Variants in CDC42EP4 observed in about 807,000 individuals in gnomAD.
CDC42EP4 encodes CDC42 effector protein (Rho GTPase binding) 4.
Under a neutral mutation model 5.6 loss-of-function variants are expected in CDC42EP4, and 6 were observed. The ratio of observed to expected loss-of-function variants is 1.07; its 90% CI spans 0.59 to 2.12. The LOEUF (loss-of-function observed/expected upper bound fraction) is 2.12, where lower values mean the gene tolerates loss of function less well. CDC42EP4 is among the 30% of genes most tolerant of loss of function. The probability of loss-of-function intolerance (pLI) is 0.00; values close to 1 mark genes in which losing one functional copy is unlikely to be tolerated. For synonymous variants in CDC42EP4, 230 were observed against 224.2 expected (o/e 1.03, Z -0.23); for missense variants, 490 against 508.6 (o/e 0.96, Z 0.35).
At chr17:73,310,079 C>G (rs918222125) in intron 1 of CDC42EP4, 7 of 152,256 alleles carry the variant, frequency 4.6e-5, no homozygotes, top group African/African-American at 1.7e-4. Flanking sequence ...TGTTATTGCC[C>G]CAGGAGCCCC....
At chr17:73,300,050 C>A (rs779788824) in intron 1 of CDC42EP4, among the ~76,000 whole-genome samples, 5 of 152,168 alleles carry the variant, frequency 3.3e-5, no homozygotes, top group Non-Finnish European at 5.9e-5. Context: ...TGTCCAAACT[C>A]CATCTTGTGT....
chr17:73,298,086 G>A (rs1042262171), intron 1 of CDC42EP4, among the ~76,000 whole-genome samples: 3 of 151,648 alleles, frequency 2.0e-5, no homozygotes, highest in Non-Finnish European at 2.9e-5. Context: ...CTCTGGGTTC[G>A]GCAGCCACAT....
rs1052183397 is a variant in CDC42EP4 at position 73,284,255 on chromosome 17, G to A, written c.*1175C>T. 2 of 151,888 alleles carry A rather than the reference G, an allele frequency of 1.3e-5. No homozygotes were observed. Among genetic ancestry groups the A allele is most frequent in the African/African-American group, 4.8e-5 (2 of 41,324 alleles). The allele number at this position is 151,888 out of a possible 1,614,324, so 9.4% of individuals were successfully genotyped here. A position where few individuals can be genotyped will look rare whatever the true frequency, so the allele number is the denominator to read the frequency against. ...GTCGGTGGGGGGAGGCCTGAGAAAA[G>A]AAAGGGAAGTAGTCAGTACTGAGGG... On this transcript the variant is annotated 3_prime_UTR_variant, in exon 2 of 2. Coordinates refer to ENST00000335793, the MANE Select transcript of CDC42EP4 (RefSeq NM_012121.5).
intron 1 of CDC42EP4, among the ~76,000 whole-genome samples, chr17:73,301,710 C>T (rs1224419536): frequency 1.5e-5 from 2 of 131,394 alleles, no homozygotes; most frequent in East Asian, 4.3e-4. Context: ...CCATGCCCAG[C>T]TTTTTTTTTT....
chr17:73,294,784 T>C (rs1353791245), intron 1 of CDC42EP4, among the ~76,000 whole-genome samples: 2 of 152,112 alleles, frequency 1.3e-5, no homozygotes, highest in African/African-American at 4.8e-5. Flanking sequence ...TTTGGTGTGT[T>C]CTTTCTAAAT....
At chr17:73,290,978 G>C (rs2145310836) in intron 1 of CDC42EP4, among the ~76,000 whole-genome samples, 2 of 152,336 alleles carry the variant, frequency 1.3e-5, no homozygotes, top group South Asian at 4.1e-4. Context: ...GGGGAGGACA[G>C]CTCCCCGCAT....
chr17:73,295,128 T>G (rs8071340), intron 1 of CDC42EP4, among the ~76,000 whole-genome samples: 147,402 of 152,212 alleles, frequency 0.97, 71,558 homozygotes, highest in East Asian at 1. Flanking sequence ...GATTTTCTTA[T>G]GTACTCCTTG....
chr17:73,302,363 T>C (rs1483284620), intron 1 of CDC42EP4, among the ~76,000 whole-genome samples: 1 of 152,192 alleles, frequency 6.6e-6, no homozygotes, highest in Non-Finnish European at 1.5e-5. Flanking sequence ...GAAACATCTC[T>C]CTTTCTGGCA....
intron 1 of CDC42EP4, among the ~76,000 whole-genome samples, chr17:73,291,121 C>T (rs1303381140): frequency 6.6e-6 from 1 of 152,212 alleles, no homozygotes; most frequent in Non-Finnish European, 1.5e-5. Context: ...TCTTGTTCAA[C>T]CCCACACCCC....
chr17:73,307,712 T>C (rs1410996862), intron 1 of CDC42EP4, among the ~76,000 whole-genome samples: 1 of 151,102 alleles, frequency 6.6e-6, no homozygotes, highest in African/African-American at 2.4e-5. Flanking sequence ...CCTCCCAAAG[T>C]GCTGGGATTA....
intron 1 of CDC42EP4, among the ~76,000 whole-genome samples, chr17:73,289,266 G>A (rs546859284): frequency 3.5e-4 from 53 of 152,256 alleles, no homozygotes; most frequent in African/African-American, 1.2e-3. Context: ...GGGAGGCTAC[G>A]GCAGGAGGAT....
In CDC42EP4 at chr17:73,303,043, C is replaced by CAAAAAAAAAA. The variant is rs554983651; in HGVS notation, c.-113+8840_-113+8849dup. 3.9e-4 allele frequency among the ~76,000 whole-genome samples: 46 copies of CAAAAAAAAAA among 116,814 alleles called. 1 individual carries two copies. The highest frequency in any genetic ancestry group is 7.0e-4 in the African/African-American group (19 of 27,154). 76.6% of individuals were successfully genotyped at this position (116,814 alleles called of 152,430 possible). On this transcript the variant is annotated intron_variant, in intron 1 of 1. Coordinates refer to ENST00000335793, the MANE Select transcript of CDC42EP4 (RefSeq NM_012121.5). ...TGGGGGACAGCATCAGACTCCGTCTCAAAAAAAAAAAGATAATTGGCCAGG... is the reference window on the plus strand; with the variant it reads ...TGGGGGACAGCATCAGACTCCGTCTCAAAAAAAAAAAAAAAAAAAAAGATAATTGGCCAGG...
Position 73,292,621 on chromosome 17 carries a change from G to A in CDC42EP4, c.-112-6009C>T, listed in dbSNP as rs146225452. Among the ~76,000 whole-genome samples, 315 of 152,314 alleles carry A rather than the reference G, an allele frequency of 2.1e-3. 1 individual carries two copies. The highest frequency in any genetic ancestry group is 7.3e-3 in the African/African-American group (302 of 41,572). On this transcript the variant is annotated intron_variant, in intron 1 of 1. Coordinates refer to ENST00000335793, the MANE Select transcript of CDC42EP4 (RefSeq NM_012121.5). ...TGGGTGTGGGAGTCAGGGGGTCTGG[G>A]GGAGGCCCCTCTTGAGGAAGGAGCA...
At chr17:73,303,730 A>G (rs1451668081) in intron 1 of CDC42EP4, among the ~76,000 whole-genome samples, 4 of 152,196 alleles carry the variant, frequency 2.6e-5, no homozygotes, top group Non-Finnish European at 5.9e-5. Flanking sequence ...TAGAAAGCAT[A>G]AAATTCCATA....
At position 73,284,251 on chromosome 17, in the gene CDC42EP4, A is replaced by G. The variant is rs1399459897; in HGVS notation, c.*1179T>C. 2 of 152,094 alleles carry G rather than the reference A, an allele frequency of 1.3e-5. No homozygotes were observed. Among genetic ancestry groups the G allele is most frequent in the Non-Finnish European group, 2.9e-5 (2 of 68,022 alleles). 9.4% of individuals were successfully genotyped at this position (152,094 alleles called of 1,614,324 possible). On this transcript the variant is annotated 3_prime_UTR_variant, in exon 2 of 2. Transcript: ENST00000335793. ...AAAAGTCGGTGGGGGGAGGCCTGAGAAAAGAAAGGGAAGTAGTCAGTACTG... is the reference window on the plus strand; with the variant it reads ...AAAAGTCGGTGGGGGGAGGCCTGAGGAAAGAAAGGGAAGTAGTCAGTACTG...
intron 1 of CDC42EP4, among the ~76,000 whole-genome samples, chr17:73,289,500 C>T (rs572973111): frequency 1.5e-4 from 23 of 151,940 alleles, no homozygotes; most frequent in African/African-American, 3.9e-4. Context: ...CTTGACCCCA[C>T]GCATCCTCAT....
intron 1 of CDC42EP4, among the ~76,000 whole-genome samples, chr17:73,289,530 G>C (rs1196943372): frequency 6.6e-6 from 1 of 151,290 alleles, no homozygotes; most frequent in Non-Finnish European, 1.5e-5. Flanking sequence ...CCGTTTGGCT[G>C]TTCCTGAGTC....
intron 1 of CDC42EP4, among the ~76,000 whole-genome samples, chr17:73,295,185 A>T (rs1164793544): frequency 3.9e-5 from 6 of 152,004 alleles, no homozygotes; most frequent in Non-Finnish European, 2.9e-5. Flanking sequence ...TCCCACTGAG[A>T]TTGAGAGATG....
chr17:73,303,576 C>T (rs1343354904), intron 1 of CDC42EP4, among the ~76,000 whole-genome samples: 3 of 148,124 alleles, frequency 2.0e-5, no homozygotes, highest in African/African-American at 5.2e-5. Context: ...ATAGGAGAAT[C>T]GCTTGAACCC....
Sources: gnomAD v4.1 joint callset for allele counts (sites outside exome capture counted in the v4.1 genomes callset) on GRCh38, gnomAD v4.1.1 for gene constraint, MANE v1.5 for transcripts, NCBI Gene and HGNC (gene_info 2026-07-23, HGNC 2026-07-21) for gene names.